The following ARHGEF11 variants were observed in gnomAD, a reference collection of about 807,000 sequenced individuals.
The protein encoded by ARHGEF11 is Rho guanine exchange factor (GEF) 11.
Under a neutral mutation model 193.7 loss-of-function variants are expected in ARHGEF11, and 55 were observed. That is an observed-to-expected ratio of 0.28 (90% CI 0.23 to 0.36). The LOEUF (loss-of-function observed/expected upper bound fraction) is 0.36. Among genes scored for constraint, ARHGEF11 ranks in the 10% least tolerant of loss-of-function variants. The pLI is 1.00. For missense variants in ARHGEF11, 1,723 were observed against 2,005.6 expected (o/e 0.86, Z 2.69); for synonymous variants, 693 against 768.0 (o/e 0.90, Z 1.62).
chr1:156,938,355 T>C, intron 38 of ARHGEF11, 63 bp downstream of exon 38: 1 of 1,508,192 alleles, frequency 6.6e-7, no homozygotes, highest in Non-Finnish European at 9.1e-7. Flanking sequence ...GGTCCGACTC[T>C]GCCCTCACAG....
rs559848711 is a variant in ARHGEF11 at position 156,954,380 on chromosome 1, C to CAAAAAAAAAAAA, written c.1798+500_1798+511dup. Among the ~76,000 whole-genome samples, 11 of 75,160 alleles carry CAAAAAAAAAAAA rather than the reference C, an allele frequency of 1.5e-4. 1 individual carries two copies. Among genetic ancestry groups the CAAAAAAAAAAAA allele is most frequent in the Non-Finnish European group, 2.0e-4 (8 of 40,076 alleles). 49.3% of individuals were successfully genotyped at this position (75,160 alleles called of 152,430 possible). A position where few individuals can be genotyped will look rare whatever the true frequency, so the allele number is the denominator to read the frequency against. On this transcript the variant is annotated intron_variant, in intron 21 of 40. Transcript: ENST00000368194. ...GGGCCACAGAGTGAAACTGTGTCTCCAAAAAAAAAAAAAAAAAAAAAAAAA... is the reference window on the plus strand; with the variant it reads ...GGGCCACAGAGTGAAACTGTGTCTCCAAAAAAAAAAAAAAAAAAAAAAAAAAAAAAAAAAAAA...
rs2101689546 is a variant in ARHGEF11 at position 156,935,754 on chromosome 1, G to A, written c.*246C>T. 1 of 507,890 alleles carries A rather than the reference G, an allele frequency of 2.0e-6. No homozygotes were observed. The allele number at this position is 507,890 out of a possible 1,614,324, so 31.5% of individuals were successfully genotyped here. On this transcript the variant is annotated 3_prime_UTR_variant, in exon 41 of 41. Transcript: ENST00000368194. ...AGTGGGGGCCTTTCGGATGCAGTCA[G>A]CATGCTTAGGAGACATGAGGCCTTG...
rs1557906014 is a variant in ARHGEF11 at position 156,986,136 on chromosome 1, C to G, written c.70G>C (p.Glu24Gln). 6.2e-7 allele frequency: 1 copy of G among 1,613,936 alleles called. No homozygotes were observed. Residue 24 changes from glutamate to glutamine, a missense_variant, in exon 2 of 41, where the codon GAG becomes CAG. Physicochemically the swap from Glu to Gln is conservative, Grantham distance 29 (BLOSUM62 2). This residue lies in a region of ARHGEF11 where 646 missense variants were observed against 710.7 expected (regional missense o/e 0.91). Transcript: ENST00000368194. ...SLSSLGDSAP[E>Q]RKSPSHHRQP... ...CGATGGTGGGAAGGGGACTTGCGCT[C>G]TGGTGCAGAATCTCCCAGAGAAGAC...
At chr1:156,997,047 T>C (rs1666621478) in intron 1 of ARHGEF11, among the ~76,000 whole-genome samples, 2 of 151,600 alleles carry the variant, frequency 1.3e-5, no homozygotes, top group Admixed American at 1.3e-4. Flanking sequence ...AATTTTTTTT[T>C]TTGTAGAGAT....
At chr1:157,021,735 T>A (rs1057378657) in intron 1 of ARHGEF11, among the ~76,000 whole-genome samples, 33 of 152,358 alleles carry the variant, frequency 2.2e-4, no homozygotes, top group Admixed American at 2.1e-3. Context: ...AGTTTCTTCA[T>A]ATGGACCCTA....
At chr1:156,954,347 T>C (rs1659581008) in intron 21 of ARHGEF11, among the ~76,000 whole-genome samples, 1 of 114,500 alleles carries the variant, frequency 8.7e-6, no homozygotes, top group South Asian at 3.1e-4. Context: ...ACCACTGCAG[T>C]CCAGCCTGGG....
chr1:156,946,161 TC>T lies in ARHGEF11; in HGVS notation c.2695del (p.Glu899ArgfsTer13). 1 of 1,612,750 alleles carries T rather than the reference TC, an allele frequency of 6.2e-7. No individual in the cohort carries two copies. Among genetic ancestry groups the T allele is most frequent in the Non-Finnish European group, 8.5e-7 (1 of 1,179,562 alleles). ...CCGACACTGAGGGTGGCTCTCAGCC[TC>T]CTAGACAGCAGGAGACACAGAAGGG... Reference protein sequence around the residue: ...KESRFQLFMQEAESHPQCRRL... With the variant: ...KESRFQLFMQXAESHPQCRRL... On this transcript the variant is annotated frameshift_variant and splice_region_variant, in exon 29 of 41. Coordinates refer to ENST00000368194, the MANE Select transcript of ARHGEF11 (RefSeq NM_198236.3). LOFTEE classifies it high-confidence loss of function.
intron 1 of ARHGEF11, 27 bp from the exon 2 acceptor site, chr1:156,986,200 C>G: frequency 6.3e-7 from 1 of 1,583,400 alleles, no homozygotes; most frequent in Non-Finnish European, 8.7e-7. Flanking sequence ...GAAAGCATGT[C>G]AATGAGCTCA....
In ARHGEF11 at chr1:156,941,942, G is replaced by C; in HGVS notation, c.3374C>G (p.Pro1125Arg). The stretch of plus-strand genomic sequence containing the variant: ...ATGGACGGGCATTGGGGCAGCTCCG[G>C]GGTGCCTGGTGGCATTCCGCACGGC... ...EEAVRNATRH[P>R]GAAPMPVHPP... is the part of the protein sequence containing the mutation. The change falls in exon 34 of 41, where the codon CCC becomes CGC. Residue 1125 changes from proline (P) to arginine (R), a missense_variant. Physicochemically the swap from Pro to Arg is moderately radical, Grantham distance 103. Coordinates refer to ENST00000368194, the MANE Select transcript of ARHGEF11 (RefSeq NM_198236.3). 6.2e-7 allele frequency: 1 copy of C among 1,614,100 alleles called. No individual in the cohort carries two copies. Among genetic ancestry groups the C allele is most frequent in the Non-Finnish European group, 8.5e-7 (1 of 1,180,010 alleles).
intron 6 of ARHGEF11, among the ~76,000 whole-genome samples, chr1:156,977,540 G>A (rs969165837): frequency 3.9e-5 from 6 of 152,152 alleles, no homozygotes; most frequent in African/African-American, 1.2e-4. Context: ...AGCCTCCTGA[G>A]TACCTGGGAC....
At chr1:156,941,549 C>A in intron 34 of ARHGEF11, 116 bp from the exon 35 acceptor site, 1 of 1,226,376 alleles carries the variant, frequency 8.2e-7, no homozygotes, top group African/African-American at 1.5e-5. Flanking sequence ...CTTCACCTGG[C>A]TGGTCTGCTT....
At chr1:157,016,508 C>T (rs1005782785) in intron 1 of ARHGEF11, among the ~76,000 whole-genome samples, 2 of 152,190 alleles carry the variant, frequency 1.3e-5, no homozygotes, top group African/African-American at 2.4e-5. Context: ...GCGTGAGCCA[C>T]GGTGCCCAGC....
intron 1 of ARHGEF11, among the ~76,000 whole-genome samples, chr1:157,031,562 T>C (rs1671311408): frequency 1.3e-5 from 2 of 152,194 alleles, no homozygotes; most frequent in Admixed American, 6.5e-5. Context: ...CTCAGAGCCA[T>C]TGGTCTGGAG....
rs1323638956 is a variant in ARHGEF11 at position 156,969,057 on chromosome 1, A to G, written c.825+225T>C. Among the ~76,000 whole-genome samples the G allele has an allele frequency of 5.3e-5, 8 of 152,344 alleles. No homozygotes were observed. The East Asian group carries it at 1.5e-3, about 29-fold the overall frequency. On this transcript the variant is annotated intron_variant, in intron 10 of 40. Coordinates refer to ENST00000368194, the MANE Select transcript of ARHGEF11 (RefSeq NM_198236.3). The stretch of plus-strand genomic sequence containing the variant: ...CTCTCCACCCTACTCTTTATATAAC[A>G]GAGTTGACAATGATAAAATGAAAGC...
intron 21 of ARHGEF11, among the ~76,000 whole-genome samples, chr1:156,953,762 G>A (rs1389522223): frequency 6.6e-6 from 1 of 152,128 alleles, no homozygotes; most frequent in African/African-American, 2.4e-5. Context: ...AACAGGAAAT[G>A]AACTTGCTCA....
chr1:156,969,895 C>G, intron 9 of ARHGEF11, 103 bp downstream of exon 9: 1 of 1,112,862 alleles, frequency 9.0e-7, no homozygotes, highest in Non-Finnish European at 1.3e-6. Context: ...AGGGCAGGCA[C>G]TATATATTTT....
intron 8 of ARHGEF11, among the ~76,000 whole-genome samples, chr1:156,970,951 AG>A (rs772212666): frequency 1.3e-5 from 2 of 152,246 alleles, no homozygotes; most frequent in Non-Finnish European, 2.9e-5. Flanking sequence ...AAAATGAAGC[AG>A]TTTAAATGTA....
In ARHGEF11 at chr1:156,938,532, C is replaced by T. The variant is rs757052202; in HGVS notation, c.4097-19G>A. The T allele has an allele frequency of 6.2e-7, 1 of 1,610,006 alleles. No individual in the cohort carries two copies. The highest frequency in any genetic ancestry group is 8.5e-7 in the Non-Finnish European group (1 of 1,177,332). ...ACCTCAGCTGCACCGACACCACCAC[C>T]ACCAGGAAGAGGAGAGACCAAAACA... is the stretch of plus-strand genomic sequence containing the variant. On this transcript the variant is annotated intron_variant, in intron 37 of 40. Coordinates refer to ENST00000368194, the MANE Select transcript of ARHGEF11 (RefSeq NM_198236.3).
chr1:156,963,505 C>G lies in ARHGEF11; in HGVS notation c.1038+15G>C, dbSNP rs200121187. 14 of 1,609,616 alleles carry G rather than the reference C, an allele frequency of 8.7e-6. No individual in the cohort carries two copies. In the African/African-American group the frequency reaches 1.9e-4, roughly 22 times the overall value. On this transcript the variant is annotated intron_variant, in intron 12 of 40. Transcript: ENST00000368194. ...AAAAAAAAATGATGAAAGGAGAAAA[C>G]TAGGAAACCGTTACCTCGTTGTTGA... is the stretch of plus-strand genomic sequence containing the variant.
Sources: allele counts gnomAD v4.1 joint callset (sites outside exome capture counted in the v4.1 genomes callset), GRCh38; gene constraint gnomAD v4.1.1; regional missense constraint gnomAD v4.1.1; transcripts MANE v1.5; gene names NCBI Gene and HGNC (gene_info 2026-07-23, HGNC 2026-07-21).